KLHL1: variants seen among roughly 807,000 people sequenced by gnomAD.
KLHL1 encodes kelch-like protein 1.
In KLHL1, 47 loss-of-function variants were observed where a neutral mutation model predicts 77.7. The ratio of observed to expected loss-of-function variants is 0.60; its 90% CI spans 0.48 to 0.77. The LOEUF (loss-of-function observed/expected upper bound fraction) is 0.77. Ranked by LOEUF, KLHL1 falls within the 30% of genes least tolerant of loss-of-function variation. The pLI is 0.00. For missense variants in KLHL1, 925 were observed against 910.8 expected, an observed-to-expected ratio of 1.02 and a Z score of -0.20; for synonymous variants, 360 against 325.2, an observed-to-expected ratio of 1.11 and a Z score of -1.15.
chr13:69,749,730 C>T (rs1021800044), intron 7 of KLHL1, among the ~76,000 whole-genome samples: 1 of 151,924 alleles, frequency 6.6e-6, no homozygotes, highest in Non-Finnish European at 1.5e-5. Context: ...CCCCATAATG[C>T]TGTCACATTT....
intron 4 of KLHL1, among the ~76,000 whole-genome samples, chr13:69,901,795 C>CTTTTTTTTTTT (rs1205221353): frequency 2.5e-5 from 1 of 40,796 alleles, no homozygotes; most frequent in African/African-American, 9.6e-5. Context: ...TTCTTTTTTT[C>CTTTTTTTTTTT]TTTTTTTTTT....
intron 6 of KLHL1, among the ~76,000 whole-genome samples, chr13:69,800,936 G>A (rs1877349202): frequency 6.6e-6 from 1 of 152,106 alleles, no homozygotes; most frequent in Non-Finnish European, 1.5e-5. Flanking sequence ...CAAAATGAAA[G>A]TTTACTTTAA....
At chr13:69,848,695 C>A (rs892436158) in intron 5 of KLHL1, among the ~76,000 whole-genome samples, 13 of 151,470 alleles carry the variant, frequency 8.6e-5, no homozygotes, top group African/African-American at 3.1e-4. Flanking sequence ...AATGATTCCT[C>A]CTCAAGCATT....
intron 4 of KLHL1, among the ~76,000 whole-genome samples, chr13:69,919,649 G>C (rs1234361703): frequency 6.6e-6 from 1 of 152,010 alleles, no homozygotes; most frequent in Non-Finnish European, 1.5e-5. Context: ...AGGGTTCTGA[G>C]ATTTCAACCT....
chr13:70,062,230 G>T (rs1886908519), intron 1 of KLHL1, among the ~76,000 whole-genome samples: 1 of 152,030 alleles, frequency 6.6e-6, no homozygotes, highest in African/African-American at 2.4e-5. Flanking sequence ...TACCTATCTT[G>T]AGCTCATGAG....
At chr13:69,820,842 C>T (rs1450081201) in intron 6 of KLHL1, among the ~76,000 whole-genome samples, 2 of 152,178 alleles carry the variant, frequency 1.3e-5, no homozygotes, top group Non-Finnish European at 2.9e-5. Flanking sequence ...TTGGGTCAAA[C>T]AAATGTGACG....
chr13:69,716,099 T>A (rs2137887896), intron 9 of KLHL1, among the ~76,000 whole-genome samples: 1 of 152,222 alleles, frequency 6.6e-6, no homozygotes, highest in South Asian at 2.1e-4. Context: ...CTCAAATGAT[T>A]ACATTTGCCT....
At chr13:69,763,706 TGG>T (rs1875130211) in intron 7 of KLHL1, among the ~76,000 whole-genome samples, 1 of 152,204 alleles carries the variant, frequency 6.6e-6, no homozygotes, top group African/African-American at 2.4e-5. Flanking sequence ...AACAAAATGA[TGG>T]GAAGCCAATG....
At chr13:69,890,663 CACAG>C (rs1366366112) in intron 4 of KLHL1, among the ~76,000 whole-genome samples, 11 of 151,820 alleles carry the variant, frequency 7.2e-5, no homozygotes, top group African/African-American at 2.7e-4. Flanking sequence ...CACACACACA[CACAG>C]ATATATGTAT....
At position 69,910,439 on chromosome 13, in the gene KLHL1, A is replaced by G. The variant is rs1051715988; in HGVS notation, c.1015-27944T>C. Among the ~76,000 whole-genome samples, 12 of 152,178 alleles carry G rather than the reference A, an allele frequency of 7.9e-5. No homozygotes were observed. In the East Asian group the frequency reaches 2.1e-3, roughly 27 times the overall value. Reference sequence around the variant, plus strand: ...AGTTTACCTTACATGTTATTAGGAAAGGCAACAAGGGTTTTCAATTGTTTG... The same window carrying G: ...AGTTTACCTTACATGTTATTAGGAAGGGCAACAAGGGTTTTCAATTGTTTG... On this transcript the variant is annotated intron_variant, in intron 4 of 10. Transcript: ENST00000377844.
chr13:69,788,670 T>TAAAA (rs112665486), intron 7 of KLHL1, among the ~76,000 whole-genome samples: 52,477 of 151,554 alleles, frequency 0.35, 9,185 homozygotes, highest in Non-Finnish European at 0.36. Flanking sequence ...ATAATAATAA[T>TAAAA]AGAAAATATA....
chr13:69,860,197 A>G (rs1880082542), intron 5 of KLHL1, among the ~76,000 whole-genome samples: 1 of 152,118 alleles, frequency 6.6e-6, no homozygotes, highest in African/African-American at 2.4e-5. Context: ...ACTAGGTACA[A>G]TTGAAGATAT....
At chr13:69,730,277 G>GTC (rs1321755969) in intron 8 of KLHL1, among the ~76,000 whole-genome samples, 10 of 151,524 alleles carry the variant, frequency 6.6e-5, no homozygotes, top group African/African-American at 2.2e-4. Flanking sequence ...ATGTGTGTGT[G>GTC]TGTGTGTGTG....
intron 7 of KLHL1, among the ~76,000 whole-genome samples, chr13:69,744,128 A>C (rs1047162744): frequency 6.6e-6 from 1 of 152,180 alleles, no homozygotes; most frequent in African/African-American, 2.4e-5. Context: ...GGAAGATACT[A>C]TGAAGAGAGA....
chr13:69,709,057 G>T (rs1025525877), intron 9 of KLHL1, among the ~76,000 whole-genome samples: 2 of 152,046 alleles, frequency 1.3e-5, no homozygotes, highest in Non-Finnish European at 2.9e-5. Flanking sequence ...GCACACTGTG[G>T]TTGGGGGGTT....
At chr13:69,729,011 A>C (rs2137910649) in intron 8 of KLHL1, among the ~76,000 whole-genome samples, 1 of 152,258 alleles carries the variant, frequency 6.6e-6, no homozygotes, top group South Asian at 2.1e-4. Flanking sequence ...AAAATTTTTT[A>C]AAAATCACAA....
At chr13:69,962,847 A>G (rs1884108582) in intron 2 of KLHL1, among the ~76,000 whole-genome samples, 1 of 152,098 alleles carries the variant, frequency 6.6e-6, no homozygotes, top group African/African-American at 2.4e-5. Context: ...TTTAGAATAA[A>G]GCAATTACTT....
At position 69,787,128 on chromosome 13, in the gene KLHL1, G is replaced by A. The variant is rs867319100; in HGVS notation, c.1639+9610C>T. On this transcript the variant is annotated intron_variant, in intron 7 of 10. Transcript: ENST00000377844. Reference sequence around the variant, plus strand: ...CAATGCCATCCCCATCAAGCTACCAGTGACTTTCTTCACAGAATTGGAAAA... The same window carrying A: ...CAATGCCATCCCCATCAAGCTACCAATGACTTTCTTCACAGAATTGGAAAA... Among the ~76,000 whole-genome samples, 1,434 of 152,152 alleles carry A rather than the reference G, an allele frequency of 9.4e-3. 21 individuals carry two copies. The highest frequency in any genetic ancestry group is 0.032 in the African/African-American group (1,320 of 41,496).
At chr13:69,811,152 G>T (rs1212282983) in intron 6 of KLHL1, among the ~76,000 whole-genome samples, 2 of 152,010 alleles carry the variant, frequency 1.3e-5, no homozygotes, top group East Asian at 1.9e-4. Context: ...AGCAAAATCT[G>T]GTAAAGACAC....
Sources: gnomAD v4.1 joint callset for allele counts (sites outside exome capture counted in the v4.1 genomes callset) on GRCh38, gnomAD v4.1.1 for gene constraint, MANE v1.5 for transcripts, NCBI Gene and HGNC (gene_info 2026-07-23, HGNC 2026-07-21) for gene names.